THRB: variants seen among roughly 807,000 people sequenced by gnomAD.
The protein encoded by THRB is thyroid hormone receptor beta.
A neutral mutation model predicts 47.8 loss-of-function variants in THRB; 12 were observed. That is an observed-to-expected ratio of 0.25 (90% CI 0.16 to 0.41). The LOEUF (loss-of-function observed/expected upper bound fraction) is 0.41, where lower values mean the gene tolerates loss of function less well. Among genes scored for constraint, THRB ranks in the 10% least tolerant of loss-of-function variants. The probability of loss-of-function intolerance (pLI) is 1.00; values close to 1 mark genes in which losing one functional copy is unlikely to be tolerated. For synonymous variants in THRB, 218 were observed against 212.2 expected (o/e 1.03, Z -0.24); for missense variants, 348 against 589.2 (o/e 0.59, Z 4.24).
intron 3 of THRB, among the ~76,000 whole-genome samples, chr3:24,275,526 A>G (rs550046457): frequency 2.0e-4 from 31 of 152,326 alleles, no homozygotes; most frequent in Admixed American, 2.0e-3. Flanking sequence ...AGGGGGAAAA[A>G]GCTGACATTT....
At chr3:24,411,232 C>T (rs1044327390) in intron 1 of THRB, among the ~76,000 whole-genome samples, 6 of 151,698 alleles carry the variant, frequency 4.0e-5, no homozygotes, top group East Asian at 2.0e-4. Flanking sequence ...CATAGAATGA[C>T]GGTCTTAAAA....
chr3:24,156,756 C>G (rs1400275438), intron 5 of THRB, among the ~76,000 whole-genome samples: 2 of 152,124 alleles, frequency 1.3e-5, no homozygotes, highest in African/African-American at 4.8e-5. Flanking sequence ...CACTAGCATG[C>G]TTAGTCACTC....
chr3:24,277,966 C>G (rs2054109257), intron 3 of THRB, among the ~76,000 whole-genome samples: 1 of 149,310 alleles, frequency 6.7e-6, no homozygotes, highest in African/African-American at 2.6e-5. Context: ...TGATATTTGC[C>G]CCATGCATGG....
intron 1 of THRB, among the ~76,000 whole-genome samples, chr3:24,493,547 T>G (rs989517087): frequency 7.2e-5 from 11 of 152,236 alleles, no homozygotes; most frequent in African/African-American, 2.4e-4. Flanking sequence ...AATAATGTGC[T>G]GAGGAAGAAG....
intron 1 of THRB, among the ~76,000 whole-genome samples, chr3:24,493,837 T>C (rs942020738): frequency 6.6e-6 from 1 of 152,302 alleles, no homozygotes; most frequent in South Asian, 2.1e-4. Context: ...AATCCCACAA[T>C]GGTCATTGGG....
At chr3:24,315,088 C>T (rs955436438) in intron 2 of THRB, among the ~76,000 whole-genome samples, 5 of 152,158 alleles carry the variant, frequency 3.3e-5, no homozygotes, top group South Asian at 2.1e-4. Flanking sequence ...TGGACAAGTA[C>T]GTTTCTGTAA....
At chr3:24,239,464 A>G (rs1559702768) in intron 3 of THRB, among the ~76,000 whole-genome samples, 1 of 152,124 alleles carries the variant, frequency 6.6e-6, no homozygotes, top group Non-Finnish European at 1.5e-5. Flanking sequence ...TATTTGGGAC[A>G]CTAAATGAGA....
chr3:24,424,826 C>T (rs913872745), intron 1 of THRB, among the ~76,000 whole-genome samples: 10 of 151,806 alleles, frequency 6.6e-5, no homozygotes. Flanking sequence ...ATAAAAAACT[C>T]CTACTTTGCA....
At chr3:24,269,108 T>C (rs992586895) in intron 3 of THRB, among the ~76,000 whole-genome samples, 2 of 152,200 alleles carry the variant, frequency 1.3e-5, no homozygotes, top group African/African-American at 2.4e-5. Context: ...ATTGCTTCAG[T>C]CATTTTCCCA....
chr3:24,129,083 C>T (rs564791327), intron 9 of THRB, among the ~76,000 whole-genome samples: 1 of 152,210 alleles, frequency 6.6e-6, no homozygotes, highest in South Asian at 2.1e-4. Flanking sequence ...ATGTTTTTTA[C>T]TAGCTCAGCC....
intron 3 of THRB, among the ~76,000 whole-genome samples, chr3:24,248,756 GC>G (rs1482671289): frequency 6.6e-6 from 1 of 152,162 alleles, no homozygotes; most frequent in Non-Finnish European, 1.5e-5. Context: ...GGTTCTAGCA[GC>G]AGCTGGTTGG....
intron 4 of THRB, among the ~76,000 whole-genome samples, chr3:24,219,404 G>A (rs1438879703): frequency 1.3e-5 from 2 of 152,240 alleles, no homozygotes; most frequent in Admixed American, 6.5e-5. Context: ...AATGAAAAAT[G>A]CTGGCCTTGG....
At chr3:24,352,888 T>G (rs972244526) in intron 1 of THRB, among the ~76,000 whole-genome samples, 1 of 152,188 alleles carries the variant, frequency 6.6e-6, no homozygotes, top group Non-Finnish European at 1.5e-5. Flanking sequence ...AATTCCCACT[T>G]TAGGTATAGA....
chr3:24,170,625 A>T (rs138626814), intron 5 of THRB, among the ~76,000 whole-genome samples: 1 of 152,270 alleles, frequency 6.6e-6, no homozygotes, highest in Non-Finnish European at 1.5e-5. Context: ...GCCTGCCTCA[A>T]TTCAAGGACG....
At chr3:24,365,114 T>G (rs1377748348) in intron 1 of THRB, among the ~76,000 whole-genome samples, 1 of 152,124 alleles carries the variant, frequency 6.6e-6, no homozygotes, top group Non-Finnish European at 1.5e-5. Flanking sequence ...ATAAGAAAAA[T>G]CATTTACCTG....
intron 1 of THRB, among the ~76,000 whole-genome samples, chr3:24,403,935 T>A (rs535471877): frequency 2.0e-5 from 3 of 151,950 alleles, no homozygotes; most frequent in Non-Finnish European, 4.4e-5. Context: ...GGTGTTTCAC[T>A]TTTTCTCAAA....
intron 1 of THRB, among the ~76,000 whole-genome samples, chr3:24,337,812 T>C (rs4858115): frequency 0.53 from 80,822 of 152,042 alleles, 24,922 homozygotes; most frequent in African/African-American, 0.84. Context: ...GCAATTGAGC[T>C]GTCGGGTGGG....
intron 2 of THRB, among the ~76,000 whole-genome samples, chr3:24,302,580 T>A (rs928998677): frequency 6.6e-6 from 1 of 152,220 alleles, no homozygotes; most frequent in Non-Finnish European, 1.5e-5. Context: ...ACAGCAGAAT[T>A]TGTCACAAAC....
At chr3:24,440,435 C>T (rs2071416322) in intron 1 of THRB, among the ~76,000 whole-genome samples, 1 of 152,154 alleles carries the variant, frequency 6.6e-6, no homozygotes, top group South Asian at 2.1e-4. Context: ...CAGTTTGATT[C>T]ATGCCTTTTT....
Sources: allele counts gnomAD v4.1 joint callset (sites outside exome capture counted in the v4.1 genomes callset), GRCh38; gene constraint gnomAD v4.1.1; transcripts MANE v1.5; gene names NCBI Gene and HGNC (gene_info 2026-07-23, HGNC 2026-07-21).